Variants in GPHN observed in about 807,000 individuals in gnomAD.
GPHN encodes the protein gephyrin.
GPHN carries 17 observed loss-of-function variants against 95.5 expected under a neutral mutation model. That is an observed-to-expected ratio of 0.18 (90% CI 0.12 to 0.27). GPHN has a LOEUF of 0.27. Among genes scored for constraint, GPHN ranks in the 10% least tolerant of loss-of-function variants. GPHN has a pLI of 1.00. For synonymous variants in GPHN, 320 were observed against 322.5 expected (o/e 0.99, Z 0.08); for missense variants, 660 against 978.1 (o/e 0.67, Z 4.34).
At chr14:67,520,002 C>T in the GPHN span, among the ~76,000 whole-genome samples, 1 of 152,122 alleles carries the variant, frequency 6.6e-6, no homozygotes, top group Admixed American at 6.5e-5. Flanking sequence ...GGATCATAGG[C>T]GTGAGCCACC....
chr14:66,980,984 G>A (rs2153598439), intron 9 of GPHN, among the ~76,000 whole-genome samples: 1 of 152,336 alleles, frequency 6.6e-6, no homozygotes, highest in African/African-American at 2.4e-5. Flanking sequence ...GGGAGGCAGA[G>A]GTTGCGGTGA....
At position 67,144,255 on chromosome 14, in the gene GPHN, A is replaced by ATG. The variant is rs1276333545; in HGVS notation, c.1836+807_1836+808insGT. On this transcript the variant is annotated intron_variant, in intron 18 of 22. Coordinates refer to ENST00000478722, the MANE Select transcript of GPHN (RefSeq NM_020806.5). ...CTGTCTTAAAAAAAAAAAAAAATAT[A>ATG]TATATATATATATATATATATATAT... 2.6e-4 allele frequency among the ~76,000 whole-genome samples: 19 copies of ATG among 72,166 alleles called. 1 individual carries two copies. Among genetic ancestry groups the ATG allele is most frequent in the African/African-American group, 1.3e-3 (19 of 14,468 alleles). The allele number at this position is 72,166 out of a possible 152,430, so 47.3% of individuals were successfully genotyped here.
chr14:67,678,349 C>A, the GPHN span: 1 of 1,613,996 alleles, frequency 6.2e-7, no homozygotes, highest in Non-Finnish European at 8.5e-7. Flanking sequence ...CAGCAGGTCA[C>A]AACTGACGTC....
At chr14:67,000,503 T>C in intron 9 of GPHN, among the ~76,000 whole-genome samples, 1 of 151,720 alleles carries the variant, frequency 6.6e-6, no homozygotes, top group East Asian at 1.9e-4. Context: ...TCTTTAATAA[T>C]GATTTATTAC....
intron 19 of GPHN, 104 bp downstream of exon 19, chr14:67,159,592 T>TATTC (rs2081842666): frequency 1.3e-6 from 1 of 775,174 alleles, no homozygotes; most frequent in Non-Finnish European, 2.4e-6. Context: ...ATGAATTAAC[T>TATTC]ATTCCAAAAA....
intron 1 of GPHN, among the ~76,000 whole-genome samples, chr14:66,657,481 A>G (rs12589370): frequency 0.32 from 49,319 of 152,176 alleles, 11,692 homozygotes; most frequent in African/African-American, 0.64. Context: ...AGAAGATGCC[A>G]TCTAAGACTT....
chr14:67,561,885 A>G, the GPHN span: 4 of 1,185,146 alleles, frequency 3.4e-6, no homozygotes, highest in South Asian at 1.4e-5. Flanking sequence ...AAAAAAAAAA[A>G]AGAATTGAAA....
chr14:67,264,675 A>G, the GPHN span, among the ~76,000 whole-genome samples: 1 of 152,210 alleles, frequency 6.6e-6, no homozygotes, highest in Admixed American at 6.5e-5. Flanking sequence ...TAAATTGTAA[A>G]TGCAACAGTG....
chr14:66,878,004 A>G (rs995728373), intron 4 of GPHN, among the ~76,000 whole-genome samples: 4 of 152,222 alleles, frequency 2.6e-5, no homozygotes, highest in African/African-American at 9.6e-5. Context: ...CCAAAACAGC[A>G]TGGTACTAGT....
chr14:66,930,757 C>A, intron 8 of GPHN, among the ~76,000 whole-genome samples: 1 of 152,160 alleles, frequency 6.6e-6, no homozygotes, highest in East Asian at 1.9e-4. Context: ...AACTCCTGGG[C>A]TCAAGCGATC....
intron 1 of GPHN, among the ~76,000 whole-genome samples, chr14:66,665,387 T>C (rs2065893108): frequency 6.6e-6 from 1 of 152,158 alleles, no homozygotes; most frequent in Middle Eastern, 3.4e-3. Flanking sequence ...TACAAAGAAC[T>C]CAAACAAATT....
the GPHN span, among the ~76,000 whole-genome samples, chr14:67,720,606 T>A: frequency 1.3e-5 from 2 of 152,362 alleles, no homozygotes; most frequent in East Asian, 3.9e-4. Flanking sequence ...AATGGCATTT[T>A]CATCATATCT....
At chr14:67,560,601 C>T in the GPHN span, among the ~76,000 whole-genome samples, 1 of 152,094 alleles carries the variant, frequency 6.6e-6, no homozygotes, top group Non-Finnish European at 1.5e-5. Context: ...TAGTTTATCA[C>T]GTGCTGTACC....
chr14:67,014,100 A>ATTT (rs1483419672), intron 9 of GPHN, among the ~76,000 whole-genome samples: 4 of 152,018 alleles, frequency 2.6e-5, no homozygotes, highest in African/African-American at 7.2e-5. Context: ...ACACACGCAA[A>ATTT]ACAAAAAAAA....
intron 2 of GPHN, among the ~76,000 whole-genome samples, chr14:66,767,154 A>G (rs2058989858): frequency 6.6e-6 from 1 of 152,060 alleles, no homozygotes; most frequent in African/African-American, 2.4e-5. Context: ...ACGCATTTCT[A>G]CTCATTATAT....
chr14:67,310,267 A>T, the GPHN span, among the ~76,000 whole-genome samples: 2 of 152,148 alleles, frequency 1.3e-5, no homozygotes, highest in African/African-American at 4.8e-5. Context: ...GTTTTTTCAC[A>T]TCTAGAATGA....
chr14:67,322,411 C>T, the GPHN span, among the ~76,000 whole-genome samples: 19 of 152,214 alleles, frequency 1.2e-4, no homozygotes, highest in East Asian at 9.7e-4. Context: ...CCAAATGTTA[C>T]GGAAAATTGT....
At chr14:67,586,991 T>G in the GPHN span, 13 of 1,529,382 alleles carry the variant, frequency 8.5e-6, no homozygotes, top group East Asian at 3.2e-4. Flanking sequence ...GCCCAGGAAC[T>G]CAGCATAAGA....
the GPHN span, among the ~76,000 whole-genome samples, chr14:67,470,108 G>T: frequency 3.3e-5 from 5 of 152,164 alleles, no homozygotes; most frequent in Non-Finnish European, 7.3e-5. Flanking sequence ...CAGCAAGAAG[G>T]ATTGGCAGGG....
Sources: allele counts gnomAD v4.1 joint callset (sites outside exome capture counted in the v4.1 genomes callset), GRCh38; gene constraint gnomAD v4.1.1; transcripts MANE v1.5; gene names NCBI Gene and HGNC (gene_info 2026-07-23, HGNC 2026-07-21).